ITGAD: variants seen among roughly 807,000 people sequenced by gnomAD.
ITGAD encodes integrin subunit alpha D, also known as integrin alpha-D.
Under a neutral mutation model 139.0 loss-of-function variants are expected in ITGAD, and 105 were observed. The ratio of observed to expected loss-of-function variants is 0.76; its 90% CI spans 0.65 to 0.89. ITGAD has a LOEUF of 0.89. Among genes scored for constraint, ITGAD ranks in the 40% least tolerant of loss-of-function variants. The pLI is 0.00. For synonymous variants in ITGAD, 569 were observed against 598.3 expected (o/e 0.95, Z 0.71); for missense variants, 1,384 against 1,487.3 (o/e 0.93, Z 1.14).
At chr16:31,399,316 T>C (rs1257085697) in intron 5 of ITGAD, among the ~76,000 whole-genome samples, 2 of 152,228 alleles carry the variant, frequency 1.3e-5, no homozygotes, top group East Asian at 3.9e-4. Context: ...TAGTATGTGA[T>C]AGCCCCTCTG....
intron 16 of ITGAD, 62 bp from the exon 17 acceptor site, chr16:31,414,389 T>C: frequency 6.4e-7 from 1 of 1,568,264 alleles, no homozygotes; most frequent in Admixed American, 1.8e-5. Context: ...GAACAAATAA[T>C]GAAAACAGAG....
At chr16:31,414,806 TTG>T in intron 17 of ITGAD, 52 bp from the exon 18 acceptor site, 1 of 1,598,602 alleles carries the variant, frequency 6.3e-7, no homozygotes, top group South Asian at 1.1e-5. Flanking sequence ...GGAGGAGGAC[TTG>T]TGGTGGAGCG....
Position 31,424,597 on chromosome 16 carries a change from CTT to C in ITGAD, c.3372+35_3372+36del, listed in dbSNP as rs372527847. The C allele has an allele frequency of 0.021, 24,289 of 1,150,432 alleles. No individual in the cohort carries two copies. Among genetic ancestry groups the C allele is most frequent in the South Asian group, 0.029 (1,815 of 62,450 alleles). The allele number at this position is 1,150,432 out of a possible 1,614,324, so 71.3% of individuals were successfully genotyped here. The stretch of plus-strand genomic sequence containing the variant: ...TACAAGGCAAGTGTTTTATCCAACT[CTT>C]TTTTTTTTTTTTTTGAGATGGAGTT... On this transcript the variant is annotated intron_variant, in intron 29 of 29. Transcript: ENST00000389202.
chr16:31,397,706 C>CCGCCGGG, intron 4 of ITGAD, 40 bp downstream of exon 4: 1 of 299,966 alleles, frequency 3.3e-6, no homozygotes, highest in Non-Finnish European at 5.6e-6. Flanking sequence ...TGGGGTGGGG[C>CCGCCGGG]GGGGGGTGTT....
At chr16:31,414,790 T>G in intron 17 of ITGAD, 70 bp from the exon 18 acceptor site, 1 of 1,587,046 alleles carries the variant, frequency 6.3e-7, no homozygotes, top group Non-Finnish European at 8.6e-7. Flanking sequence ...GGGGAGTGGA[T>G]GCAGTGGAGG....
chr16:31,421,591 C>T (rs1346835748), intron 23 of ITGAD, among the ~76,000 whole-genome samples: 2 of 151,918 alleles, frequency 1.3e-5, no homozygotes, highest in Non-Finnish European at 2.9e-5. Flanking sequence ...AGAGGAAAAC[C>T]GGCATACTTA....
chr16:31,416,566 G>A lies in ITGAD; in HGVS notation c.2419G>A (p.Ala807Thr), dbSNP rs765559360. 11 of 1,613,662 alleles carry A rather than the reference G, an allele frequency of 6.8e-6. No homozygotes were observed. The African/African-American group carries it at 1.3e-4, about 20-fold the overall frequency. ...CAACGTGATTGTGACTGTGTGGAAC[G>A]CAGGTGAGGATTCCTACGGAACCGT... ...ELNVIVTVWN[A>T]GEDSYGTVVS... The change falls in exon 20 of 30, where the codon GCA (alanine) becomes ACA (threonine). Residue 807 changes from alanine (A) to threonine (T), a missense_variant. Coordinates refer to ENST00000389202, the MANE Select transcript of ITGAD (RefSeq NM_005353.3).
intron 18 of ITGAD, 23 bp from the exon 19 acceptor site, chr16:31,416,190 C>A (rs757415803): frequency 3.2e-6 from 5 of 1,580,050 alleles, no homozygotes; most frequent in Non-Finnish European, 3.5e-6. Context: ...CAGATGGGAA[C>A]AGAATATACT....
intron 23 of ITGAD, among the ~76,000 whole-genome samples, chr16:31,421,456 T>G (rs2082004775): frequency 1.3e-5 from 2 of 148,630 alleles, no homozygotes; most frequent in African/African-American, 5.0e-5. Context: ...AGAACCCATC[T>G]CTACCAAAAA....
At chr16:31,405,767 G>A (rs1474510871) in intron 7 of ITGAD, among the ~76,000 whole-genome samples, 2 of 149,802 alleles carry the variant, frequency 1.3e-5, no homozygotes, top group East Asian at 2.0e-4. Flanking sequence ...TCAGCCTCCC[G>A]AGTTGGGATC....
intron 16 of ITGAD, among the ~76,000 whole-genome samples, chr16:31,413,638 C>A (rs2142777123): frequency 6.6e-6 from 1 of 152,340 alleles, no homozygotes; most frequent in East Asian, 1.9e-4. Flanking sequence ...CGTAACCCGC[C>A]TTGCATTTAC....
intron 23 of ITGAD, 96 bp from the exon 24 acceptor site, chr16:31,423,018 G>A: frequency 1.1e-6 from 1 of 940,502 alleles, no homozygotes; most frequent in Admixed American, 1.7e-5. Context: ...ATTTCCCTGA[G>A]ACATCTGCCC....
intron 10 of ITGAD, 91 bp downstream of exon 10, chr16:31,408,589 G>A (rs902633788): frequency 1.8e-6 from 2 of 1,138,584 alleles, no homozygotes; most frequent in Non-Finnish European, 2.6e-6. Flanking sequence ...ATAAACAAGA[G>A]CAGACCCCAT....
chr16:31,410,728 C>T lies in ITGAD; in HGVS notation c.1214-8C>T, dbSNP rs765578801. On this transcript the variant is annotated splice_polypyrimidine_tract_variant and splice_region_variant and intron_variant, in intron 11 of 29. Coordinates refer to ENST00000389202, the MANE Select transcript of ITGAD (RefSeq NM_005353.3). ...GGGGGCCTTTGTGCTGAGGCCTGGG[C>T]CCCTCAGGTTACTCCACCGAGCTAG... The T allele has an allele frequency of 3.3e-5, 53 of 1,608,594 alleles. No homozygotes were observed. The highest frequency in any genetic ancestry group is 4.1e-5 in the Non-Finnish European group (48 of 1,177,948).
rs1382872742 is a variant in ITGAD at position 31,412,893 on chromosome 16, G to A, written c.1763G>A (p.Ser588Asn). The A allele has an allele frequency of 3.1e-6, 5 of 1,614,128 alleles. No homozygotes were observed. In the Admixed American group the frequency reaches 5.0e-5, roughly 16 times the overall value. The change falls in exon 15 of 30, where the codon AGT (serine) becomes AAT (asparagine). Residue 588 changes from serine to asparagine, a missense_variant. Transcript: ENST00000389202. ...CTGCAGTATTTTGGGCAGGCGCTGA[G>A]TGGGGGTCAGGACCTCACCCAGGAT... is the stretch of plus-strand genomic sequence containing the variant. ...PRLQYFGQALSGGQDLTQDGL... is the reference protein window; with the variant it reads ...PRLQYFGQALNGGQDLTQDGL...
chr16:31,424,680 C>T, intron 29 of ITGAD, 103 bp downstream of exon 29: 8 of 675,514 alleles, frequency 1.2e-5, no homozygotes, highest in Non-Finnish European at 1.9e-5. Context: ...TCACTGCAAC[C>T]TCCACCTCCC....
chr16:31,393,767 A>G (rs988337584), intron 1 of ITGAD, among the ~76,000 whole-genome samples: 1 of 152,098 alleles, frequency 6.6e-6, no homozygotes, highest in African/African-American at 2.4e-5. Flanking sequence ...GTTTCCCCCA[A>G]GTCCTGACTG....
chr16:31,421,572 G>C (rs1450110371), intron 23 of ITGAD, among the ~76,000 whole-genome samples: 6 of 152,056 alleles, frequency 3.9e-5, no homozygotes, highest in Admixed American at 1.3e-4. Flanking sequence ...GGTTTGGGGT[G>C]GGGGGCACAG....
At chr16:31,395,162 C>T (rs1258558651) in intron 2 of ITGAD, among the ~76,000 whole-genome samples, 2 of 151,472 alleles carry the variant, frequency 1.3e-5, no homozygotes, top group African/African-American at 2.4e-5. Flanking sequence ...ACTAAAAATG[C>T]AAAAAAAATT....
Sources: gnomAD v4.1 joint callset for allele counts (sites outside exome capture counted in the v4.1 genomes callset) on GRCh38, gnomAD v4.1.1 for gene constraint, MANE v1.5 for transcripts, NCBI Gene and HGNC (gene_info 2026-07-23, HGNC 2026-07-21) for gene names.